Variants in GAPVD1 observed in about 807,000 individuals in gnomAD.
GAPVD1 encodes GTPase-activating protein and VPS9 domain-containing protein 1.
In GAPVD1, 35 loss-of-function variants were observed where a neutral mutation model predicts 155.5. The ratio of observed to expected loss-of-function variants is 0.23; its 90% confidence interval spans 0.17 to 0.30. The LOEUF is 0.30. GAPVD1 is among the 10% of genes least tolerant of loss of function. The probability of loss-of-function intolerance (pLI) is 1.00; values close to 1 mark genes in which losing one functional copy is unlikely to be tolerated. For missense variants in GAPVD1, 1,429 were observed against 1,775.7 expected, an observed-to-expected ratio of 0.80 and a Z score of 3.51; for synonymous variants, 636 against 619.7, an observed-to-expected ratio of 1.03 and a Z score of -0.39.
chr9:125,307,643 G>C, intron 7 of GAPVD1, 48 bp from the exon 8 acceptor site: 5 of 1,577,824 alleles, frequency 3.2e-6, no homozygotes, highest in Non-Finnish European at 4.4e-6. Flanking sequence ...AATACATATT[G>C]TATTTGAAAA....
chr9:125,357,695 T>C (rs1184480220), intron 25 of GAPVD1, among the ~76,000 whole-genome samples: 1 of 151,860 alleles, frequency 6.6e-6, no homozygotes, highest in Non-Finnish European at 1.5e-5. Context: ...TAATCCTGGC[T>C]GGGCGCAGTG....
intron 2 of GAPVD1, among the ~76,000 whole-genome samples, chr9:125,285,453 G>GTTTTTTTTTTTTTTTTTTT (rs10659223): frequency 1.1e-5 from 1 of 94,684 alleles, no homozygotes. Context: ...TTTTTTCTTT[G>GTTTTTTTTTTTTTTTTTTT]TTTTTTTTTT....
intron 1 of GAPVD1, among the ~76,000 whole-genome samples, chr9:125,266,733 C>T (rs623348): frequency 0.011 from 1,733 of 152,060 alleles, 28 homozygotes; most frequent in African/African-American, 0.04. Context: ...GTATCTTTCC[C>T]TATTTTCTGC....
chr9:125,312,339 C>A, intron 8 of GAPVD1, 113 bp from the exon 9 acceptor site: 1 of 667,670 alleles, frequency 1.5e-6, no homozygotes, highest in Admixed American at 3.6e-5. Flanking sequence ...TTTTTTACCA[C>A]TCTTGTGCAT....
chr9:125,268,869 T>G (rs1834423003), intron 1 of GAPVD1, 67 bp from the exon 2 acceptor site: 1 of 152,094 alleles, frequency 6.6e-6, no homozygotes, highest in Non-Finnish European at 1.5e-5. Context: ...ATAGCGAAAG[T>G]AGGTACATTC....
intron 12 of GAPVD1, among the ~76,000 whole-genome samples, chr9:125,329,778 C>T (rs1845821079): frequency 6.6e-6 from 1 of 151,998 alleles, no homozygotes; most frequent in Admixed American, 6.6e-5. Flanking sequence ...GCAACCTCTG[C>T]CTCCCGGGTT....
intron 1 of GAPVD1, among the ~76,000 whole-genome samples, chr9:125,264,832 C>T (rs547776689): frequency 1.3e-5 from 2 of 151,988 alleles, no homozygotes; most frequent in Non-Finnish European, 2.9e-5. Context: ...CATTCTCCTG[C>T]CTCAGCCTCC....
At chr9:125,313,018 A>G (rs760389537) in intron 9 of GAPVD1, among the ~76,000 whole-genome samples, 1 of 152,060 alleles carries the variant, frequency 6.6e-6, no homozygotes, top group Non-Finnish European at 1.5e-5. Flanking sequence ...CAGGGTTTCT[A>G]CATGTTGGTC....
intron 8 of GAPVD1, among the ~76,000 whole-genome samples, chr9:125,310,932 C>A (rs546471626): frequency 1.3e-5 from 2 of 151,186 alleles, no homozygotes; most frequent in Non-Finnish European, 2.9e-5. Context: ...CTCCGCCTCC[C>A]GGGTTCAAGT....
At chr9:125,334,713 A>G (rs1323735414) in intron 15 of GAPVD1, among the ~76,000 whole-genome samples, 1 of 152,122 alleles carries the variant, frequency 6.6e-6, no homozygotes, top group Non-Finnish European at 1.5e-5. Flanking sequence ...CATCCTGGGC[A>G]ACATGGTGAG....
chr9:125,334,130 C>T (rs1846509596), intron 15 of GAPVD1, among the ~76,000 whole-genome samples: 1 of 151,946 alleles, frequency 6.6e-6, no homozygotes. Context: ...GAAGTCACAA[C>T]TGTTTTCATA....
intron 8 of GAPVD1, chr9:125,310,086 A>G (rs891646212): frequency 8.9e-5 from 24 of 268,724 alleles, no homozygotes; most frequent in Non-Finnish European, 2.5e-5. Flanking sequence ...CTCCATGTGC[A>G]TGTTGCTTTT....
intron 2 of GAPVD1, among the ~76,000 whole-genome samples, chr9:125,284,482 T>C (rs1378438132): frequency 6.6e-6 from 1 of 151,566 alleles, no homozygotes; most frequent in Non-Finnish European, 1.5e-5. Context: ...CTGGCAACTT[T>C]TTTTTTTTTT....
chr9:125,283,169 C>T (rs868830189), intron 2 of GAPVD1, among the ~76,000 whole-genome samples: 4 of 151,666 alleles, frequency 2.6e-5, no homozygotes, highest in Non-Finnish European at 2.9e-5. Flanking sequence ...AAGCAATTCT[C>T]CTGCCTCAGC....
chr9:125,342,166 C>G (rs940290213), intron 18 of GAPVD1, 53 bp from the exon 19 acceptor site: 2 of 860,552 alleles, frequency 2.3e-6, no homozygotes, highest in African/African-American at 1.7e-5. Flanking sequence ...CAGTTAACTT[C>G]CGAGTAGTGC....
chr9:125,351,730 C>G (rs1589109436), intron 23 of GAPVD1, among the ~76,000 whole-genome samples: 1 of 152,142 alleles, frequency 6.6e-6, no homozygotes, highest in East Asian at 1.9e-4. Flanking sequence ...GGTGGGTTCC[C>G]ATGGTCTTTC....
At chr9:125,353,772 A>G (rs1451774258) in intron 23 of GAPVD1, among the ~76,000 whole-genome samples, 1 of 152,196 alleles carries the variant, frequency 6.6e-6, no homozygotes, top group African/African-American at 2.4e-5. Context: ...CGAGAACAGC[A>G]CAGGAAAGAC....
At chr9:125,270,484 CT>C (rs1834719078) in intron 2 of GAPVD1, among the ~76,000 whole-genome samples, 1 of 152,148 alleles carries the variant, frequency 6.6e-6, no homozygotes, top group East Asian at 1.9e-4. Context: ...TATTTTCTAA[CT>C]TTTCTGGATA....
chr9:125,263,842 T>TC, intron 1 of GAPVD1: 4 of 1,206,614 alleles, frequency 3.3e-6, no homozygotes, highest in Non-Finnish European at 4.9e-6. Context: ...AGGTACAGTC[T>TC]CCGGGGGGCA....
Sources: allele counts gnomAD v4.1 joint callset (sites outside exome capture counted in the v4.1 genomes callset), GRCh38; gene constraint gnomAD v4.1.1; transcripts MANE v1.5; gene names NCBI Gene and HGNC (gene_info 2026-07-23, HGNC 2026-07-21).